CDH13: variants seen among roughly 807,000 people sequenced by gnomAD.
The protein encoded by CDH13 is cadherin-13.
Under a neutral mutation model 63.8 loss-of-function variants are expected in CDH13, and 24 were observed. That is an observed-to-expected ratio of 0.38 (90% CI 0.27 to 0.53). CDH13 has a LOEUF of 0.53. CDH13 is among the 20% of genes least tolerant of loss of function. The pLI, the probability that CDH13 is intolerant of heterozygous loss-of-function variation, is 0.85. For missense variants in CDH13, 1,049 were observed against 903.1 expected, an observed-to-expected ratio of 1.16 and a Z score of -2.07; for synonymous variants, 503 against 355.3, an observed-to-expected ratio of 1.42 and a Z score of -4.67.
intron 7 of CDH13, among the ~76,000 whole-genome samples, chr16:83,588,529 C>G (rs571742664): frequency 1.4e-4 from 21 of 152,268 alleles, no homozygotes; most frequent in African/African-American, 5.1e-4. Flanking sequence ...ACCTCAGTGT[C>G]TCAAGGGGCA....
chr16:83,257,834 G>A (rs1320938767), intron 5 of CDH13, among the ~76,000 whole-genome samples: 1 of 152,126 alleles, frequency 6.6e-6, no homozygotes, highest in Non-Finnish European at 1.5e-5. Flanking sequence ...GGTCTTTGAG[G>A]AATCGCCATA....
At chr16:82,714,149 C>T (rs1426265639) in intron 1 of CDH13, among the ~76,000 whole-genome samples, 2 of 152,222 alleles carry the variant, frequency 1.3e-5, no homozygotes, top group East Asian at 3.9e-4. Flanking sequence ...CTCCCAGCAG[C>T]CACAGGACAC....
chr16:82,896,094 C>G (rs892565125), intron 2 of CDH13, among the ~76,000 whole-genome samples: 1 of 152,074 alleles, frequency 6.6e-6, no homozygotes. Context: ...TAATATTTCA[C>G]AACCTGACAT....
chr16:83,171,674 G>A (rs900496857), intron 4 of CDH13: 3 of 938,432 alleles, frequency 3.2e-6, no homozygotes, highest in African/African-American at 3.3e-5. Context: ...ACTGCAAATA[G>A]CATGCTCTTT....
At chr16:82,780,337 C>G (rs7191150) in intron 1 of CDH13, among the ~76,000 whole-genome samples, 101,351 of 152,036 alleles carry the variant, frequency 0.67, 34,797 homozygotes, top group Middle Eastern at 0.8. Context: ...CAATCTCTCC[C>G]TTGCTCTCTG....
intron 2 of CDH13, among the ~76,000 whole-genome samples, chr16:82,902,968 C>G (rs1257230296): frequency 3.3e-5 from 5 of 152,190 alleles, no homozygotes; most frequent in Admixed American, 6.5e-5. Context: ...TCATCTTTGT[C>G]TTCATGGCTA....
chr16:83,551,039 G>A (rs572886451), intron 7 of CDH13, among the ~76,000 whole-genome samples: 1 of 110,732 alleles, frequency 9.0e-6, no homozygotes, highest in African/African-American at 3.3e-5. Flanking sequence ...CTGTTCCATG[G>A]CCCCCTTAAG....
In CDH13 at chr16:82,705,518, G is replaced by A. The variant is rs540249394; in HGVS notation, c.45+78381G>A. 6.4e-4 allele frequency among the ~76,000 whole-genome samples: 97 copies of A among 152,270 alleles called. 1 individual carries two copies. Among genetic ancestry groups the A allele is most frequent in the African/African-American group, 2.2e-3 (91 of 41,566 alleles). On this transcript the variant is annotated intron_variant, in intron 1 of 13. Coordinates refer to ENST00000567109, the MANE Select transcript of CDH13 (RefSeq NM_001257.5). Reference sequence around the variant, plus strand: ...CTACTTTTTGATTGTGAAGAGCCAAGCTCATTTGAGCAGTAGGAATTTCAT... The same window carrying A: ...CTACTTTTTGATTGTGAAGAGCCAAACTCATTTGAGCAGTAGGAATTTCAT...
At chr16:83,234,314 T>G (rs947353428) in intron 5 of CDH13, among the ~76,000 whole-genome samples, 3 of 152,248 alleles carry the variant, frequency 2.0e-5, no homozygotes, top group African/African-American at 7.2e-5. Flanking sequence ...GGCCACTTGA[T>G]TTTTATTCCT....
chr16:83,651,941 C>G (rs911721927), intron 8 of CDH13, among the ~76,000 whole-genome samples: 9 of 152,158 alleles, frequency 5.9e-5, no homozygotes, highest in Admixed American at 2.0e-4. Flanking sequence ...GTGCGTCTCT[C>G]CTCACGCAGA....
chr16:82,941,171 C>T (rs1257265784), intron 2 of CDH13, among the ~76,000 whole-genome samples: 2 of 152,220 alleles, frequency 1.3e-5, no homozygotes, highest in East Asian at 1.9e-4. Context: ...CGTTCATCCA[C>T]ATTCATTTAT....
chr16:83,722,792 A>G (rs1462563350), intron 10 of CDH13, among the ~76,000 whole-genome samples: 1 of 152,168 alleles, frequency 6.6e-6, no homozygotes, highest in Admixed American at 6.5e-5. Flanking sequence ...TTTCAATGTC[A>G]TCTTACTAAA....
chr16:83,794,016 C>T (rs1237152248), intron 13 of CDH13, among the ~76,000 whole-genome samples: 1 of 152,074 alleles, frequency 6.6e-6, no homozygotes, highest in East Asian at 1.9e-4. Flanking sequence ...TGCAGTGCTG[C>T]CTCTGAAGAT....
At chr16:83,023,905 T>G (rs986230717) in intron 2 of CDH13, among the ~76,000 whole-genome samples, 2 of 152,212 alleles carry the variant, frequency 1.3e-5, no homozygotes, top group African/African-American at 4.8e-5. Context: ...TTGTTTTTCT[T>G]TTGAGTCAAT....
intron 10 of CDH13, among the ~76,000 whole-genome samples, chr16:83,706,484 A>G (rs1174892181): frequency 5.3e-5 from 8 of 152,162 alleles, no homozygotes; most frequent in Admixed American, 5.2e-4. Context: ...GAGAGAACAG[A>G]TTGGGAATCA....
At chr16:83,248,861 A>C (rs1405288815) in intron 5 of CDH13, among the ~76,000 whole-genome samples, 1 of 152,190 alleles carries the variant, frequency 6.6e-6, no homozygotes, top group Admixed American at 6.5e-5. Context: ...GCAATTGTCC[A>C]CTTGAATCAT....
chr16:83,079,053 C>A lies in CDH13; in HGVS notation c.367-46332C>A, dbSNP rs149339030. Among the ~76,000 whole-genome samples, 299 of 152,286 alleles carry A rather than the reference C, an allele frequency of 2.0e-3. 7 individuals are homozygous for A. Among genetic ancestry groups the A allele is most frequent in the Non-Finnish European group, 4.6e-4 (31 of 68,020 alleles). ...CAGGTGATCTGCCTACCTCAGCCTA[C>A]GAAAGTGCTGGGATTACAGGTGTGA... On this transcript the variant is annotated intron_variant, in intron 3 of 13. Transcript: ENST00000567109.
intron 7 of CDH13, among the ~76,000 whole-genome samples, chr16:83,584,724 A>G (rs1213243480): frequency 2.6e-5 from 4 of 152,156 alleles, no homozygotes; most frequent in African/African-American, 7.2e-5. Context: ...ACAAAGAAAT[A>G]CCTGAGACTG....
chr16:83,317,813 AAAGG>A (rs1015430025), intron 5 of CDH13, among the ~76,000 whole-genome samples: 1 of 151,884 alleles, frequency 6.6e-6, no homozygotes, highest in African/African-American at 2.4e-5. Context: ...AAAAAAAAAA[AAAGG>A]AATCCAGTCT....
Sources: gnomAD v4.1 joint callset for allele counts (sites outside exome capture counted in the v4.1 genomes callset) on GRCh38, gnomAD v4.1.1 for gene constraint, MANE v1.5 for transcripts, NCBI Gene and HGNC (gene_info 2026-07-23, HGNC 2026-07-21) for gene names.